The following WWOX variants were observed in gnomAD, a reference collection of about 807,000 sequenced individuals.
WWOX encodes the protein WW domain-containing oxidoreductase.
In WWOX, 69 loss-of-function variants were observed where a neutral mutation model predicts 46.2. The observed-to-expected ratio is 1.49, with a 90% CI of 1.23 to 1.82. WWOX has a LOEUF of 1.82. Among genes scored for constraint, WWOX ranks in the 40% most tolerant of loss-of-function variants. The pLI is 0.00. For synonymous variants in WWOX, 359 were observed against 202.6 expected (o/e 1.77, Z -6.56); for missense variants, 919 against 542.6 (o/e 1.69, Z -6.89).
chr16:79,096,805 G>T (rs763698774), intron 8 of WWOX, among the ~76,000 whole-genome samples: 7 of 152,096 alleles, frequency 4.6e-5, no homozygotes, highest in Non-Finnish European at 1.0e-4. Context: ...GCAAATTTTT[G>T]ATCTTAATAC....
chr16:78,600,589 G>C (rs1158998287), intron 8 of WWOX, among the ~76,000 whole-genome samples: 1 of 152,128 alleles, frequency 6.6e-6, no homozygotes, highest in Non-Finnish European at 1.5e-5. Flanking sequence ...AGTCCAGAGA[G>C]GTGAAGGACC....
At chr16:78,471,869 A>G (rs1424774045) in intron 8 of WWOX, among the ~76,000 whole-genome samples, 2 of 152,268 alleles carry the variant, frequency 1.3e-5, no homozygotes, top group South Asian at 2.1e-4. Context: ...TAATGTACCA[A>G]TTTGCAATTT....
intron 8 of WWOX, among the ~76,000 whole-genome samples, chr16:78,997,877 ATTCT>A: frequency 6.6e-6 from 1 of 151,720 alleles, no homozygotes; most frequent in South Asian, 2.1e-4. Flanking sequence ...AGCTTCCAAC[ATTCT>A]TTCTTTTTTT....
intron 5 of WWOX, among the ~76,000 whole-genome samples, chr16:78,319,101 G>C (rs551312209): frequency 3.9e-5 from 6 of 152,134 alleles, no homozygotes; most frequent in Non-Finnish European, 8.8e-5. Context: ...AGAGAGAGTC[G>C]GATGAGTCAG....
At chr16:78,370,672 C>A (rs2081655262) in intron 5 of WWOX, among the ~76,000 whole-genome samples, 1 of 151,792 alleles carries the variant, frequency 6.6e-6, no homozygotes, top group South Asian at 2.1e-4. Flanking sequence ...ATCTAAGTTT[C>A]CATTCCTTAT....
At chr16:78,407,065 T>C (rs1190972673) in intron 6 of WWOX, among the ~76,000 whole-genome samples, 1 of 152,198 alleles carries the variant, frequency 6.6e-6, no homozygotes, top group Non-Finnish European at 1.5e-5. Flanking sequence ...CTGAGGCAGC[T>C]GTTGAAGGGA....
chr16:78,317,832 A>C (rs576217702), intron 5 of WWOX, among the ~76,000 whole-genome samples: 5 of 152,280 alleles, frequency 3.3e-5, no homozygotes, highest in African/African-American at 1.2e-4. Flanking sequence ...AGGAAATGAG[A>C]GTGGACAGTG....
At chr16:78,879,314 A>G (rs2044295306) in intron 8 of WWOX, among the ~76,000 whole-genome samples, 1 of 152,206 alleles carries the variant, frequency 6.6e-6, no homozygotes, top group South Asian at 2.1e-4. Flanking sequence ...AGCTTGATAA[A>G]TGGTGGACCC....
rs189575393 is a variant in WWOX at position 79,080,951 on chromosome 16, T to C, written c.1057-130657T>C. Among the ~76,000 whole-genome samples the C allele has an allele frequency of 2.8e-4, 43 of 152,342 alleles. No individual in the cohort carries two copies. The East Asian group carries it at 8.3e-3, about 29-fold the overall frequency. On this transcript the variant is annotated intron_variant, in intron 8 of 8. Coordinates refer to ENST00000566780, the MANE Select transcript of WWOX (RefSeq NM_016373.4). ...TTATTTGGCAAGTGAATTCTTCTAG[T>C]GTAGTTAGATAGTGATGAAAAGATT...
chr16:79,101,170 C>T (rs2049185095), intron 8 of WWOX: 1 of 152,126 alleles, frequency 6.6e-6, no homozygotes, highest in Non-Finnish European at 1.5e-5. Context: ...AGAAATTGGC[C>T]TCGTTTGAAA....
intron 8 of WWOX, among the ~76,000 whole-genome samples, chr16:79,154,494 C>T (rs1334670147): frequency 2.7e-5 from 4 of 145,822 alleles, no homozygotes. Flanking sequence ...TTTTTAAAAT[C>T]CTCTTTTGCA....
chr16:78,277,521 G>A (rs1483374141), intron 5 of WWOX, among the ~76,000 whole-genome samples: 1 of 151,974 alleles, frequency 6.6e-6, no homozygotes, highest in East Asian at 1.9e-4. Context: ...TATTAACATA[G>A]CATCTTGTAA....
chr16:78,542,774 G>C (rs2043929237), intron 8 of WWOX, among the ~76,000 whole-genome samples: 1 of 152,198 alleles, frequency 6.6e-6, no homozygotes, highest in Admixed American at 6.5e-5. Context: ...GAGAAGTGAA[G>C]GTAATAAGCT....
chr16:78,099,960 G>A (rs1240124511), intron 1 of WWOX, 75 bp downstream of exon 1: 56 of 1,528,178 alleles, frequency 3.7e-5, no homozygotes, highest in Admixed American at 2.2e-5. Context: ...GCGCGGGGAG[G>A]ACGCGCACTC....
intron 6 of WWOX, among the ~76,000 whole-genome samples, chr16:78,405,588 A>G (rs780264029): frequency 1.3e-5 from 2 of 152,256 alleles, no homozygotes; most frequent in African/African-American, 2.4e-5. Context: ...GAAACAATAC[A>G]TAAGTATCTT....
intron 5 of WWOX, among the ~76,000 whole-genome samples, chr16:78,319,769 G>T (rs761594385): frequency 1.3e-5 from 2 of 152,114 alleles, no homozygotes; most frequent in African/African-American, 2.4e-5. Context: ...AGGTCTCTCT[G>T]TGCTACCCCT....
rs572087890 is a variant in WWOX at position 78,956,298 on chromosome 16, A to G, written c.1057-255310A>G. 2.5e-4 allele frequency among the ~76,000 whole-genome samples: 38 copies of G among 152,240 alleles called. 1 individual carries two copies. Among genetic ancestry groups the G allele is most frequent in the African/African-American group, 8.7e-4 (36 of 41,552 alleles). ...GTAGCTGGGATTATAGGCACATGCC[A>G]CCATACCCAGCTCATTTTTTTTTAA... On this transcript the variant is annotated intron_variant, in intron 8 of 8. Coordinates refer to ENST00000566780, the MANE Select transcript of WWOX (RefSeq NM_016373.4).
intron 8 of WWOX, among the ~76,000 whole-genome samples, chr16:79,056,055 A>G (rs2048255869): frequency 6.6e-6 from 1 of 152,004 alleles, no homozygotes; most frequent in Non-Finnish European, 1.5e-5. Flanking sequence ...AGAATTACTA[A>G]TTTGAATAGC....
intron 8 of WWOX, chr16:78,899,688 C>T (rs375992153): frequency 9.9e-5 from 15 of 152,264 alleles, no homozygotes; most frequent in South Asian, 4.1e-4. Flanking sequence ...ATACCCAGAA[C>T]GGCTCTACTT....
Sources: allele counts gnomAD v4.1 joint callset (sites outside exome capture counted in the v4.1 genomes callset), GRCh38; gene constraint gnomAD v4.1.1; transcripts MANE v1.5; gene names NCBI Gene and HGNC (gene_info 2026-07-23, HGNC 2026-07-21).